The following MEMO1 variants were observed in gnomAD, a reference collection of about 807,000 sequenced individuals.
MEMO1 encodes protein MEMO1.
Under a neutral mutation model 45.2 loss-of-function variants are expected in MEMO1, and 6 were observed. The ratio of observed to expected loss-of-function variants is 0.13; its 90% confidence interval spans 0.07 to 0.26. MEMO1 has a LOEUF of 0.26. Ranked by LOEUF, MEMO1 falls within the 10% of genes least tolerant of loss-of-function variation. The pLI, the probability that MEMO1 is intolerant of heterozygous loss-of-function variation, is 1.00. For missense variants in MEMO1, 184 were observed against 370.5 expected (o/e 0.50, Z 4.13); for synonymous variants, 78 against 124.3 (o/e 0.63, Z 2.48).
At chr2:31,938,789 T>TA (rs1411171282) in intron 3 of MEMO1, among the ~76,000 whole-genome samples, 1 of 116,432 alleles carries the variant, frequency 8.6e-6, no homozygotes, top group East Asian at 2.3e-4. Context: ...GAACAATATT[T>TA]TTTTTTTTTT....
intron 8 of MEMO1, among the ~76,000 whole-genome samples, chr2:31,880,836 T>A (rs533629496): frequency 1.3e-5 from 2 of 152,202 alleles, no homozygotes; most frequent in South Asian, 4.1e-4. Context: ...TTAGACAACA[T>A]GGCGAAACCC....
At chr2:31,870,778 A>G (rs1673593403) in intron 8 of MEMO1, among the ~76,000 whole-genome samples, 1 of 152,150 alleles carries the variant, frequency 6.6e-6, no homozygotes, top group Non-Finnish European at 1.5e-5. Context: ...AGGTTTCACC[A>G]TGTTGGCCAG....
At position 31,920,856 on chromosome 2, in the gene MEMO1, T is replaced by G. The variant is rs1682220797; in HGVS notation, c.267A>C (p.Ala89=). Residue 89 remains alanine, a synonymous_variant, in exon 5 of 10, where the codon GCA becomes GCC. Transcript: ENST00000404530. ...PSHHVPLSRC[A]LSSVDIYRTP... is the part of the protein sequence containing the mutation. ...TCCTATATATATCCACACTGGAAAG[T>G]GCACATCGAGAGAGGGGCACATGAT... is the stretch of plus-strand genomic sequence containing the variant. The G allele has an allele frequency of 6.2e-7, 1 of 1,612,254 alleles. No homozygotes were observed.
At chr2:31,997,353 T>G (rs1672735065) in intron 2 of MEMO1, among the ~76,000 whole-genome samples, 1 of 152,110 alleles carries the variant, frequency 6.6e-6, no homozygotes, top group South Asian at 2.1e-4. Flanking sequence ...CGCACTATAT[T>G]CAGAAAGACA....
At chr2:32,010,106 G>T in intron 2 of MEMO1, 81 bp downstream of exon 2, 1 of 717,424 alleles carries the variant, frequency 1.4e-6, no homozygotes, top group Non-Finnish European at 1.7e-6. Flanking sequence ...GCCGCCGCGG[G>T]GCCGGGCCGC....
intron 2 of MEMO1, among the ~76,000 whole-genome samples, chr2:31,963,745 T>C (rs1668291116): frequency 6.6e-6 from 1 of 152,176 alleles, no homozygotes. Context: ...AGTCAGGCAT[T>C]CTCTATTTCC....
In MEMO1 at chr2:31,988,144, G is replaced by A. The variant is rs190153614; in HGVS notation, c.61+22043C>T. ...AAGAAGTAAGGATTTCTACATACCA[G>A]AAGTCTGCAGGACCTTTCAGAAGGT... On this transcript the variant is annotated intron_variant, in intron 2 of 9. Transcript: ENST00000404530. Among the ~76,000 whole-genome samples the A allele has an allele frequency of 3.9e-3, 592 of 152,180 alleles. 8 individuals carry two copies. Among genetic ancestry groups the A allele is most frequent in the Non-Finnish European group, 3.8e-3 (260 of 68,014 alleles).
rs568763206 is a variant in MEMO1, at chr2:31,969,600, T to G, written c.62-26217A>C. On this transcript the variant is annotated intron_variant, in intron 2 of 9. Coordinates refer to ENST00000404530, the MANE Select transcript of MEMO1 (RefSeq NM_001301833.4). ...GTGTGTGTGTGGGTGTGTGTGTGTG[T>G]GTGTGTGTGTGTGTGTGTGTGTGTG... is the stretch of plus-strand genomic sequence containing the variant. Among the ~76,000 whole-genome samples the G allele has an allele frequency of 2.5e-3, 358 of 146,070 alleles. 3 individuals carry two copies. The highest frequency in any genetic ancestry group is 8.5e-3 in the African/African-American group (324 of 37,984).
chr2:31,961,944 CTATAG>C (rs1176207998), intron 2 of MEMO1, among the ~76,000 whole-genome samples: 1 of 152,112 alleles, frequency 6.6e-6, no homozygotes, highest in Admixed American at 6.6e-5. Flanking sequence ...TGAACTCCCA[CTATAG>C]CATGCTGACG....
intron 2 of MEMO1, among the ~76,000 whole-genome samples, chr2:31,957,837 G>A (rs940947786): frequency 5.3e-5 from 8 of 152,228 alleles, no homozygotes; most frequent in Non-Finnish European, 7.3e-5. Context: ...ATTGCCTTCT[G>A]AAGTAATTAA....
intron 2 of MEMO1, among the ~76,000 whole-genome samples, chr2:32,009,541 A>T (rs1212889878): frequency 6.6e-6 from 1 of 152,170 alleles, no homozygotes; most frequent in Non-Finnish European, 1.5e-5. Flanking sequence ...GGAGCCCCTT[A>T]AAGGTGCGGG....
chr2:32,007,607 C>T (rs1189485515), intron 2 of MEMO1, among the ~76,000 whole-genome samples: 1 of 152,116 alleles, frequency 6.6e-6, no homozygotes, highest in Non-Finnish European at 1.5e-5. Context: ...TTATTTATGT[C>T]GGTAATTAAA....
intron 4 of MEMO1, among the ~76,000 whole-genome samples, chr2:31,925,581 T>C (rs1262938130): frequency 6.6e-6 from 1 of 151,208 alleles, no homozygotes; most frequent in African/African-American, 2.4e-5. Flanking sequence ...ACAATAGTTC[T>C]CAAACTGTGA....
chr2:31,892,983 A>T (rs1308471942), intron 6 of MEMO1, among the ~76,000 whole-genome samples: 1 of 152,142 alleles, frequency 6.6e-6, no homozygotes, highest in African/African-American at 2.4e-5. Flanking sequence ...TTTATATTCT[A>T]AATGATCCCA....
rs1047705773 is a variant in MEMO1 at position 32,007,539 on chromosome 2, T to C, written c.61+2648A>G. On this transcript the variant is annotated intron_variant, in intron 2 of 9. Coordinates refer to ENST00000404530, the MANE Select transcript of MEMO1 (RefSeq NM_001301833.4). The stretch of plus-strand genomic sequence containing the variant: ...TGTGTATATATGTAATATTTATATA[T>C]GTACACACACTTTTTTTCTGAAATA... Among the ~76,000 whole-genome samples the C allele has an allele frequency of 2.0e-5, 3 of 148,916 alleles. No homozygotes were observed. The South Asian group carries it at 6.4e-4, about 32-fold the overall frequency.
chr2:31,933,332 AAAAAAAAAAAAAAAAAATTT>A (rs1558514005), intron 3 of MEMO1, among the ~76,000 whole-genome samples: 2 of 60,014 alleles, frequency 3.3e-5, no homozygotes, highest in African/African-American at 1.6e-4. Context: ...AAAAAAAAAA[AAAAAAAAAAAAAAAAAATTT>A]ATATATATAT....
At chr2:31,924,381 G>T (rs1389331601) in intron 4 of MEMO1, among the ~76,000 whole-genome samples, 1 of 151,504 alleles carries the variant, frequency 6.6e-6, no homozygotes, top group Non-Finnish European at 1.5e-5. Flanking sequence ...TTATTTGACT[G>T]CAAGGTGCTT....
intron 2 of MEMO1, among the ~76,000 whole-genome samples, chr2:32,002,182 T>TACACACACAC (rs1456569960): frequency 5.0e-5 from 6 of 120,266 alleles, no homozygotes; most frequent in Admixed American, 8.4e-5. Flanking sequence ...TATATATATA[T>TACACACACAC]ATATACACAC....
At chr2:31,926,346 G>A (rs1460238073) in intron 4 of MEMO1, among the ~76,000 whole-genome samples, 1 of 150,140 alleles carries the variant, frequency 6.7e-6, no homozygotes, top group African/African-American at 2.5e-5. Context: ...CTCCAGACTG[G>A]GTGACAGAGC....
Sources: gnomAD v4.1 joint callset for allele counts (sites outside exome capture counted in the v4.1 genomes callset) on GRCh38, gnomAD v4.1.1 for gene constraint, MANE v1.5 for transcripts, NCBI Gene and HGNC (gene_info 2026-07-23, HGNC 2026-07-21) for gene names.